The following ZFHX3 variants were observed in gnomAD, a reference collection of about 807,000 sequenced individuals.
ZFHX3 encodes zinc finger homeobox protein 3.
In ZFHX3, 42 loss-of-function variants were observed where a neutral mutation model predicts 279.1. The observed-to-expected ratio is 0.15, with a 90% CI of 0.12 to 0.19. The LOEUF (loss-of-function observed/expected upper bound fraction) is 0.19, where lower values mean the gene tolerates loss of function less well. ZFHX3 is among the 10% of genes least tolerant of loss of function. The pLI is 1.00. For missense variants in ZFHX3, 4,981 were observed against 4,754.0 expected, an observed-to-expected ratio of 1.05 and a Z score of -1.40; for synonymous variants, 2,293 against 1,957.8, an observed-to-expected ratio of 1.17 and a Z score of -4.52.
chr16:73,702,545 T>G (rs867025481), intron 1 of ZFHX3, among the ~76,000 whole-genome samples: 8 of 152,058 alleles, frequency 5.3e-5, no homozygotes, highest in South Asian at 4.1e-4. Context: ...AAAAATCGCA[T>G]GAGATTAGTG....
chr16:73,000,664 T>C (rs897407453), intron 1 of ZFHX3, among the ~76,000 whole-genome samples: 1 of 152,172 alleles, frequency 6.6e-6, no homozygotes, highest in Non-Finnish European at 1.5e-5. Flanking sequence ...ACACACTGGA[T>C]GTTTTCAGCG....
chr16:72,872,928 T>A (rs576433342), intron 4 of ZFHX3, among the ~76,000 whole-genome samples: 2 of 152,354 alleles, frequency 1.3e-5, no homozygotes, highest in East Asian at 3.9e-4. Context: ...GGCCTGCTCA[T>A]TGGCTCCCGA....
At chr16:73,463,426 C>T (rs1453447464) in intron 2 of ZFHX3, among the ~76,000 whole-genome samples, 1 of 152,208 alleles carries the variant, frequency 6.6e-6, no homozygotes, top group African/African-American at 2.4e-5. Flanking sequence ...CCTCTAATTT[C>T]TCTCAGAAGA....
intron 2 of ZFHX3, among the ~76,000 whole-genome samples, chr16:73,538,132 A>G (rs1418965136): frequency 6.6e-6 from 1 of 152,216 alleles, no homozygotes; most frequent in Non-Finnish European, 1.5e-5. Flanking sequence ...GCAAGTCATC[A>G]CGCAGCACCT....
chr16:72,910,180 G>A (rs1490768347), intron 3 of ZFHX3, among the ~76,000 whole-genome samples: 1 of 152,172 alleles, frequency 6.6e-6, no homozygotes, highest in Non-Finnish European at 1.5e-5. Flanking sequence ...AACAATACCT[G>A]TAACTGACGC....
chr16:73,113,002 A>C (rs1966396092), intron 7 of ZFHX3, among the ~76,000 whole-genome samples: 1 of 152,058 alleles, frequency 6.6e-6, no homozygotes, highest in South Asian at 2.1e-4. Context: ...CTCTTCAGAC[A>C]AACTTTGAAA....
At chr16:73,003,874 C>T (rs1480314537) in intron 1 of ZFHX3, among the ~76,000 whole-genome samples, 1 of 151,096 alleles carries the variant, frequency 6.6e-6, no homozygotes. Context: ...TTTCTTGACA[C>T]ATACTGCCAA....
intron 1 of ZFHX3, among the ~76,000 whole-genome samples, chr16:73,819,884 T>C (rs1361281221): frequency 6.6e-6 from 1 of 152,132 alleles, no homozygotes; most frequent in Non-Finnish European, 1.5e-5. Flanking sequence ...TCTGGCCAAG[T>C]GTGAAGTCTT....
chr16:72,991,048 A>G (rs1597063132), intron 1 of ZFHX3, among the ~76,000 whole-genome samples: 1 of 150,868 alleles, frequency 6.6e-6, no homozygotes, highest in Non-Finnish European at 1.5e-5. Flanking sequence ...TATACACAGC[A>G]TAGTATGTAC....
chr16:73,827,783 T>A (rs1193340467), intron 1 of ZFHX3, among the ~76,000 whole-genome samples: 1 of 129,618 alleles, frequency 7.7e-6, no homozygotes, highest in East Asian at 2.2e-4. Flanking sequence ...TTGTTATAAT[T>A]TCTGTTCTTT....
intron 2 of ZFHX3, chr16:73,500,366 T>G (rs905758126): frequency 6.5e-6 from 1 of 153,572 alleles, no homozygotes; most frequent in Non-Finnish European, 1.4e-5. Context: ...CTGACTCTGT[T>G]TCCCAGGCTA....
At chr16:73,546,871 T>C (rs1273657881) in intron 2 of ZFHX3, among the ~76,000 whole-genome samples, 1 of 152,074 alleles carries the variant, frequency 6.6e-6, no homozygotes, top group Non-Finnish European at 1.5e-5. Flanking sequence ...ACATGTTTTA[T>C]TTATTTGTTC....
chr16:73,847,904 GTTTTTTT>G lies in ZFHX3; in HGVS notation c.-1608+43740_-1608+43746del, dbSNP rs60189791. Among the ~76,000 whole-genome samples the G allele has an allele frequency of 5.2e-3, 415 of 80,060 alleles. 3 individuals carry two copies. The highest frequency in any genetic ancestry group is 0.023 in the African/African-American group (399 of 17,000). 52.5% of individuals were successfully genotyped at this position (80,060 alleles called of 152,430 possible). On this transcript the variant is annotated intron_variant, in intron 1 of 17. Coordinates refer to the ZFHX3 transcript ENST00000641206. ...GGGCACGTGCCACTATGCCTGGCTAGTTTTTTTTTTTTTTTTTTTTTTTTTTTTGGAT... is the reference window on the plus strand; with the variant it reads ...GGGCACGTGCCACTATGCCTGGCTAGTTTTTTTTTTTTTTTTTTTTTGGAT...
intron 2 of ZFHX3, among the ~76,000 whole-genome samples, chr16:73,566,759 C>T (rs538900684): frequency 4.2e-4 from 62 of 147,350 alleles, no homozygotes; most frequent in African/African-American, 1.0e-3. Flanking sequence ...CAATGGGTGG[C>T]GCGATCTCGG....
At chr16:73,429,028 C>T (rs950699557) in intron 3 of ZFHX3, among the ~76,000 whole-genome samples, 1 of 152,188 alleles carries the variant, frequency 6.6e-6, no homozygotes, top group African/African-American at 2.4e-5. Context: ...GTTTACACAA[C>T]ACCCTGTGGA....
chr16:73,039,303 G>A (rs1965025626), intron 1 of ZFHX3, among the ~76,000 whole-genome samples: 1 of 152,090 alleles, frequency 6.6e-6, no homozygotes, highest in African/African-American at 2.4e-5. Context: ...GTAAAATTGA[G>A]CAAACAGCAT....
chr16:73,708,660 T>C (rs1026473936), intron 1 of ZFHX3, among the ~76,000 whole-genome samples: 6 of 152,036 alleles, frequency 3.9e-5, no homozygotes, highest in Non-Finnish European at 7.4e-5. Flanking sequence ...ATCAATAAAA[T>C]AAACTCATAA....
At chr16:73,646,232 C>CT (rs1422135834) in intron 2 of ZFHX3, among the ~76,000 whole-genome samples, 1 of 152,084 alleles carries the variant, frequency 6.6e-6, no homozygotes, top group Non-Finnish European at 1.5e-5. Context: ...TAGGATGTGT[C>CT]TTTACAATGG....
chr16:72,794,606 G>C lies in ZFHX3; in HGVS notation c.8076C>G (p.Thr2692=), dbSNP rs2035833842. The C allele has an allele frequency of 1.2e-6, 2 of 1,614,192 alleles. No individual in the cohort carries two copies. Among genetic ancestry groups the C allele is most frequent in the Non-Finnish European group, 1.7e-6 (2 of 1,180,038 alleles). Residue 2692 remains threonine (T), a synonymous_variant, in exon 9 of 10, where the codon ACC becomes ACG. Coordinates refer to ENST00000268489, the MANE Select transcript of ZFHX3 (RefSeq NM_006885.4). The surrounding 1 kb of genome is among the most constrained non-coding windows in gnomAD (Gnocchi z 4.2). ...ACTGTCCTTTCCTTTCCCGAGCTCGGGTGTTCTGAAACCAGACTTGTACCA... is the reference window on the plus strand; with the variant it reads ...ACTGTCCTTTCCTTTCCCGAGCTCGCGTGTTCTGAAACCAGACTTGTACCA... ...KRVVQVWFQN[T]RARERKGQFR...
Sources: gnomAD v4.1 joint callset for allele counts (sites outside exome capture counted in the v4.1 genomes callset) on GRCh38, gnomAD v4.1.1 for gene constraint, Gnocchi (gnomAD v3.1) non-coding constraint, MANE v1.5 for transcripts, NCBI Gene and HGNC (gene_info 2026-07-23, HGNC 2026-07-21) for gene names.